Variants in ELAPOR1 observed in about 807,000 individuals in gnomAD.
ELAPOR1 encodes endosome/lysosome-associated apoptosis and autophagy regulator 1.
In ELAPOR1, 77 loss-of-function variants were observed where a neutral mutation model predicts 119.7. The observed-to-expected ratio is 0.64, with a 90% CI of 0.54 to 0.78. The LOEUF (loss-of-function observed/expected upper bound fraction) is 0.78. ELAPOR1 is among the 30% of genes least tolerant of loss of function. ELAPOR1 has a pLI of 0.00. For missense variants in ELAPOR1, 1,115 were observed against 1,270.4 expected (o/e 0.88, Z 1.86); for synonymous variants, 481 against 487.2 (o/e 0.99, Z 0.17).
intron 15 of ELAPOR1, among the ~76,000 whole-genome samples, chr1:109,195,492 TCAAAAAAAAAAAAAAA>T (rs1319093215): frequency 2.2e-5 from 1 of 45,576 alleles, no homozygotes; most frequent in African/African-American, 4.2e-5. Flanking sequence ...AGACTCCGTC[TCAAAAAAAAAAAAAAA>T]CAAAAAAGCA....
intron 1 of ELAPOR1, among the ~76,000 whole-genome samples, chr1:109,139,622 G>C (rs1188273367): frequency 6.6e-6 from 1 of 152,150 alleles, no homozygotes; most frequent in African/African-American, 2.4e-5. Context: ...TTTTGAGCCA[G>C]ATATTGACAT....
chr1:109,119,231 CTA>C (rs1428749251), intron 1 of ELAPOR1, among the ~76,000 whole-genome samples: 1 of 146,490 alleles, frequency 6.8e-6, no homozygotes, highest in African/African-American at 2.5e-5. Context: ...AGATCTGGCT[CTA>C]CTCTGAAGGC....
intron 8 of ELAPOR1, 67 bp downstream of exon 8, chr1:109,185,200 A>G: frequency 8.3e-7 from 1 of 1,203,182 alleles, no homozygotes. Flanking sequence ...GAGGTTTGCC[A>G]CCATTTGGAA....
At chr1:109,120,730 G>T (rs1452460875) in intron 1 of ELAPOR1, among the ~76,000 whole-genome samples, 2 of 152,126 alleles carry the variant, frequency 1.3e-5, no homozygotes, top group Non-Finnish European at 2.9e-5. Context: ...GCTCTTGGGG[G>T]TCGTGTTTAC....
chr1:109,193,293 T>C (rs1365796786), intron 14 of ELAPOR1, among the ~76,000 whole-genome samples: 2 of 152,194 alleles, frequency 1.3e-5, no homozygotes, highest in African/African-American at 4.8e-5. Flanking sequence ...GGACATATGA[T>C]AACTGGCATT....
chr1:109,187,742 G>A, intron 8 of ELAPOR1: 1 of 831,268 alleles, frequency 1.2e-6, no homozygotes. Context: ...CAAAAAATAA[G>A]TGGGGACATC....
Position 109,171,908 on chromosome 1 carries a change from G to A in ELAPOR1, c.510G>A (p.Thr170=), listed in dbSNP as rs527258758. The change falls in exon 4 of 22, where the codon ACG becomes ACA. Residue 170 remains threonine (T), a synonymous_variant. Transcript: ENST00000369939. The part of the protein sequence containing the change: ...VPRGDYIASN[T]DECTATLMYA... Reference sequence around the variant, plus strand: ...GGGGCGACTACATCGCCTCCAACACGGACGAATGCACAGCCACACTGATGT... The same window carrying A: ...GGGGCGACTACATCGCCTCCAACACAGACGAATGCACAGCCACACTGATGT... 6.4e-5 allele frequency: 103 copies of A among 1,614,180 alleles called. No individual in the cohort carries two copies. In the South Asian group the frequency reaches 6.8e-4, roughly 11 times the overall value.
chr1:109,193,682 G>A (rs1262433647), intron 14 of ELAPOR1, among the ~76,000 whole-genome samples: 4 of 152,148 alleles, frequency 2.6e-5, no homozygotes, highest in Non-Finnish European at 4.4e-5. Context: ...GCATTTTACT[G>A]ATCACAACTA....
chr1:109,116,680 CTTT>C (rs71069649), intron 1 of ELAPOR1, among the ~76,000 whole-genome samples: 14 of 96,876 alleles, frequency 1.4e-4, no homozygotes, highest in Admixed American at 2.0e-4. Flanking sequence ...CTTCTCTGTT[CTTT>C]TTTTTTTTTT....
At chr1:109,168,549 T>TG (rs1651729894) in intron 3 of ELAPOR1, among the ~76,000 whole-genome samples, 1 of 152,130 alleles carries the variant, frequency 6.6e-6, no homozygotes, top group South Asian at 2.1e-4. Context: ...AGGGCTAAGG[T>TG]ACTGGCCTGA....
At chr1:109,198,894 A>T (rs10858081) in intron 18 of ELAPOR1, among the ~76,000 whole-genome samples, 1 of 152,198 alleles carries the variant, frequency 6.6e-6, no homozygotes, top group South Asian at 2.1e-4. Context: ...TGGTCCATTA[A>T]GGCAGCAGCT....
At chr1:109,131,800 A>G (rs557703313) in intron 1 of ELAPOR1, among the ~76,000 whole-genome samples, 10 of 152,276 alleles carry the variant, frequency 6.6e-5, no homozygotes, top group African/African-American at 1.7e-4. Flanking sequence ...TCTTAGCCCA[A>G]CCCCTGGTAT....
rs549178148 is a variant in ELAPOR1 at position 109,117,504 on chromosome 1, A to G, written c.153+3168A>G. On this transcript the variant is annotated intron_variant, in intron 1 of 21. Coordinates refer to ENST00000369939, the MANE Select transcript of ELAPOR1 (RefSeq NM_020775.5). ...CCCATGGGTTAGGAATCTAGCAGAC[A>G]TGGATTGGAATAAAATTTGTTGAAT... Among the ~76,000 whole-genome samples, 3 of 152,360 alleles carry G rather than the reference A, an allele frequency of 2.0e-5. No homozygotes were observed. In the South Asian group the frequency reaches 6.2e-4, roughly 32 times the overall value.
intron 1 of ELAPOR1, among the ~76,000 whole-genome samples, chr1:109,158,965 T>A (rs999228489): frequency 6.6e-6 from 1 of 151,318 alleles, no homozygotes; most frequent in African/African-American, 2.4e-5. Context: ...TGATCTTGGC[T>A]CACAGCAACC....
Position 109,188,307 on chromosome 1 carries a change from A to G in ELAPOR1, c.1172A>G (p.Asn391Ser), listed in dbSNP as rs150978394. 6.6e-4 allele frequency: 1,061 copies of G among 1,613,944 alleles called. No individual in the cohort carries two copies. The highest frequency in any genetic ancestry group is 8.4e-4 in the Non-Finnish European group (988 of 1,179,968). Residue 391 changes from asparagine (N) to serine (S), a missense_variant, in exon 9 of 22, where the codon AAC (asparagine) becomes AGC (serine). By Grantham distance (46) the Asn-to-Ser change is conservative. Coordinates refer to ENST00000369939, the MANE Select transcript of ELAPOR1 (RefSeq NM_020775.5). ...PCNPGFFKTN[N>S]STCQPCPYGS... ...AACCCAGGCTTCTTCAAAACCAACA[A>G]CAGCACCTGCCAGCCCTGCCCATAT... is the stretch of plus-strand genomic sequence containing the variant.
intron 1 of ELAPOR1, among the ~76,000 whole-genome samples, chr1:109,148,381 C>T (rs972767914): frequency 1.3e-5 from 2 of 151,976 alleles, no homozygotes; most frequent in African/African-American, 2.4e-5. Flanking sequence ...TCAGGTGATC[C>T]GCCCACCTCA....
At chr1:109,181,018 C>A (rs682288) in intron 7 of ELAPOR1, among the ~76,000 whole-genome samples, 1 of 152,126 alleles carries the variant, frequency 6.6e-6, no homozygotes, top group South Asian at 2.1e-4. Flanking sequence ...TCATAAGTCA[C>A]GTGTATAGTA....
rs1653422993 is a variant in ELAPOR1 at position 109,191,392 on chromosome 1, C to G, written c.1466C>G (p.Thr489Arg). Residue 489 changes from threonine (T) to arginine (R), a missense_variant, in exon 12 of 22, where the codon ACA (threonine) becomes AGA (arginine). Thr to Arg is a moderately conservative substitution (Grantham distance 71). Transcript: ENST00000369939. ...FRPPQSVMAD[T>R]ENKEVARITF... The stretch of plus-strand genomic sequence containing the variant: ...CCTCCGCAGTCGGTGATGGCAGACA[C>G]AGAGAATAAAGAGGTGGCCAGAATC... The G allele has an allele frequency of 6.2e-7, 1 of 1,614,160 alleles. No individual in the cohort carries two copies. Among genetic ancestry groups the G allele is most frequent in the Non-Finnish European group, 8.5e-7 (1 of 1,179,976 alleles).
intron 1 of ELAPOR1, among the ~76,000 whole-genome samples, chr1:109,118,971 C>T (rs188446179): frequency 4.8e-4 from 70 of 145,650 alleles, no homozygotes; most frequent in Non-Finnish European, 8.9e-4. Flanking sequence ...GATCTCTGCT[C>T]ACTGCAACCT....
Sources: gnomAD v4.1 joint callset for allele counts (sites outside exome capture counted in the v4.1 genomes callset) on GRCh38, gnomAD v4.1.1 for gene constraint, MANE v1.5 for transcripts, NCBI Gene and HGNC (gene_info 2026-07-23, HGNC 2026-07-21) for gene names.